CADM2: variants seen among roughly 807,000 people sequenced by gnomAD.
CADM2 encodes immunoglobulin superfamily member 4D.
CADM2 carries 12 observed loss-of-function variants against 49.8 expected under a neutral mutation model. That is an observed-to-expected ratio of 0.24 (90% CI 0.15 to 0.39). CADM2 has a LOEUF of 0.39. CADM2 is among the 10% of genes least tolerant of loss of function. The pLI, the probability that CADM2 is intolerant of heterozygous loss-of-function variation, is 1.00. For missense variants in CADM2, 378 were observed against 492.3 expected, an observed-to-expected ratio of 0.77 and a Z score of 2.20; for synonymous variants, 214 against 175.4, an observed-to-expected ratio of 1.22 and a Z score of -1.74.
intron 1 of CADM2, among the ~76,000 whole-genome samples, chr3:85,438,964 A>G (rs940818763): frequency 6.6e-6 from 1 of 152,098 alleles, no homozygotes; most frequent in African/African-American, 2.4e-5. Flanking sequence ...CTGGGATTAC[A>G]GGTGTAAGCC....
chr3:85,895,748 G>C (rs1252622426), intron 5 of CADM2, among the ~76,000 whole-genome samples: 2 of 152,146 alleles, frequency 1.3e-5, no homozygotes, highest in Non-Finnish European at 2.9e-5. Context: ...AGATCTGATG[G>C]TTATATAAAG....
intron 8 of CADM2, among the ~76,000 whole-genome samples, chr3:86,000,630 G>A (rs931246458): frequency 6.6e-6 from 1 of 151,810 alleles, no homozygotes; most frequent in African/African-American, 2.4e-5. Flanking sequence ...GAAGAGGAAG[G>A]AGTCTTTCAC....
At chr3:85,675,145 C>T (rs890483675) in intron 1 of CADM2, among the ~76,000 whole-genome samples, 1 of 152,076 alleles carries the variant, frequency 6.6e-6, no homozygotes, top group African/African-American at 2.4e-5. Flanking sequence ...ATCCGTGTGC[C>T]ACTTTTCCCT....
intron 1 of CADM2, 33 bp downstream of exon 1, chr3:84,959,701 TTC>T (rs1016540973): frequency 2.0e-6 from 3 of 1,522,310 alleles, no homozygotes; most frequent in Non-Finnish European, 2.6e-6. Context: ...GAACATCAAC[TTC>T]TCGCCCATTC....
intron 1 of CADM2, among the ~76,000 whole-genome samples, chr3:85,269,808 A>G (rs1156760994): frequency 6.6e-6 from 1 of 151,108 alleles, no homozygotes; most frequent in African/African-American, 2.4e-5. Context: ...AACATTTTTA[A>G]TTTTCTTCTT....
intron 1 of CADM2, among the ~76,000 whole-genome samples, chr3:85,677,616 G>T (rs547652161): frequency 1.9e-3 from 294 of 152,176 alleles, no homozygotes; most frequent in Non-Finnish European, 3.6e-3. Context: ...AATTATTTTT[G>T]AACAAACATA....
intron 2 of CADM2, among the ~76,000 whole-genome samples, chr3:85,755,666 T>A (rs141963343): frequency 6.6e-6 from 1 of 151,958 alleles, no homozygotes; most frequent in African/African-American, 2.4e-5. Context: ...GAAGCAGGCA[T>A]ATTTTACAGG....
chr3:86,056,266 C>T lies in CADM2; in HGVS notation c.971-9339C>T, dbSNP rs532125055. Reference sequence around the variant, plus strand: ...AGTACTCTCTGGAGTTGTTCAGATTCTTCAGAGCTAAAAAATTTCCTCACT... The same window carrying T: ...AGTACTCTCTGGAGTTGTTCAGATTTTTCAGAGCTAAAAAATTTCCTCACT... On this transcript the variant is annotated intron_variant, in intron 8 of 9. Transcript: ENST00000383699. 9.2e-5 allele frequency among the ~76,000 whole-genome samples: 14 copies of T among 152,270 alleles called. No individual in the cohort carries two copies. The South Asian group carries it at 2.7e-3, about 29-fold the overall frequency.
intron 2 of CADM2, among the ~76,000 whole-genome samples, chr3:85,751,211 G>T (rs1252448726): frequency 1.3e-5 from 2 of 151,910 alleles, no homozygotes; most frequent in African/African-American, 4.8e-5. Flanking sequence ...CTAGTCAAGG[G>T]GTCTAACATT....
chr3:85,486,990 G>C (rs1314262885), intron 1 of CADM2, among the ~76,000 whole-genome samples: 1 of 151,532 alleles, frequency 6.6e-6, no homozygotes, highest in African/African-American at 2.4e-5. Flanking sequence ...GTCATTAAAT[G>C]AATGTTCCAT....
intron 5 of CADM2, among the ~76,000 whole-genome samples, chr3:85,900,000 G>T (rs1304672016): frequency 6.6e-6 from 1 of 152,054 alleles, no homozygotes; most frequent in Non-Finnish European, 1.5e-5. Flanking sequence ...CAGGCTCCCA[G>T]CTTCATCACC....
intron 2 of CADM2, among the ~76,000 whole-genome samples, chr3:85,760,318 G>A (rs1285199426): frequency 6.7e-6 from 1 of 149,962 alleles, no homozygotes; most frequent in Non-Finnish European, 1.5e-5. Context: ...TCCCAGCTGT[G>A]TCCTTGAAAG....
intron 8 of CADM2, among the ~76,000 whole-genome samples, chr3:86,003,779 G>A (rs1003247741): frequency 2.0e-5 from 3 of 152,120 alleles, no homozygotes; most frequent in Non-Finnish European, 2.9e-5. Flanking sequence ...AATGACTCCT[G>A]GGATCAGGTA....
At chr3:85,128,954 AATAGAT>A (rs2039131947) in intron 1 of CADM2, among the ~76,000 whole-genome samples, 1 of 152,208 alleles carries the variant, frequency 6.6e-6, no homozygotes, top group Admixed American at 6.5e-5. Context: ...GAGAGTTAAA[AATAGAT>A]ATACCTACCA....
At chr3:86,037,182 G>T (rs564498316) in intron 8 of CADM2, among the ~76,000 whole-genome samples, 1 of 151,996 alleles carries the variant, frequency 6.6e-6, no homozygotes, top group South Asian at 2.1e-4. Context: ...ATATTTCTTG[G>T]TTTCCATTTT....
rs546847719 is a variant in CADM2 at position 85,291,823 on chromosome 3, G to A, written c.61+332155G>A. Among the ~76,000 whole-genome samples the A allele has an allele frequency of 6.8e-4, 101 of 147,606 alleles. 1 individual carries two copies. The highest frequency in any genetic ancestry group is 3.4e-3 in the Middle Eastern group (1 of 292). On this transcript the variant is annotated intron_variant, in intron 1 of 9. Transcript: ENST00000383699. ...TGGAAAGGAAAAACTGGTACCAGCC[G>A]CTGCAAAATCATGCCAAAATGTAAA...
At chr3:85,792,565 C>A (rs1347073935) in intron 2 of CADM2, among the ~76,000 whole-genome samples, 1 of 152,220 alleles carries the variant, frequency 6.6e-6, no homozygotes, top group African/African-American at 2.4e-5. Flanking sequence ...AAAGCCTCAA[C>A]CTCTGCCTGT....
At chr3:85,430,719 T>C (rs2036624144) in intron 1 of CADM2, among the ~76,000 whole-genome samples, 1 of 151,838 alleles carries the variant, frequency 6.6e-6, no homozygotes, top group Admixed American at 6.6e-5. Context: ...GGAGAGATAG[T>C]AACTAGAAGA....
At chr3:85,964,148 T>C (rs1185934312) in intron 8 of CADM2, among the ~76,000 whole-genome samples, 1 of 151,940 alleles carries the variant, frequency 6.6e-6, no homozygotes, top group Non-Finnish European at 1.5e-5. Context: ...CCTTACTAAA[T>C]GATGAAATTT....
Sources: allele counts gnomAD v4.1 joint callset (sites outside exome capture counted in the v4.1 genomes callset), GRCh38; gene constraint gnomAD v4.1.1; transcripts MANE v1.5; gene names NCBI Gene and HGNC (gene_info 2026-07-23, HGNC 2026-07-21).